The following PLD4 variants were observed in gnomAD, a reference collection of about 807,000 sequenced individuals.
The protein encoded by PLD4 is phospholipase D family member 4.
In PLD4, 54 loss-of-function variants were observed where a neutral mutation model predicts 52.3. That is an observed-to-expected ratio of 1.03 (90% CI 0.83 to 1.30). The LOEUF (loss-of-function observed/expected upper bound fraction) is 1.30. PLD4 is among the 50% of genes most tolerant of loss of function. PLD4 has a pLI of 0.00. For synonymous variants in PLD4, 264 were observed against 286.5 expected (o/e 0.92, Z 0.79); for missense variants, 731 against 671.1 (o/e 1.09, Z -0.99).
At chr14:104,931,051 G>T in intron 7 of PLD4, 109 bp downstream of exon 7, 6 of 1,281,032 alleles carry the variant, frequency 4.7e-6, no homozygotes, top group Non-Finnish European at 5.5e-6. Flanking sequence ...AGCATCAGCT[G>T]GGTCCTCAGG....
chr14:104,928,472 G>T (rs1346412235), intron 3 of PLD4, among the ~76,000 whole-genome samples: 1 of 152,220 alleles, frequency 6.6e-6, no homozygotes, highest in Non-Finnish European at 1.5e-5. Context: ...GGACCCCCCA[G>T]TCTAGCCTGC....
chr14:104,931,613 CT>C (rs887209528), intron 7 of PLD4, 134 bp from the exon 8 acceptor site: 1 of 1,261,284 alleles, frequency 7.9e-7, no homozygotes, highest in African/African-American at 1.5e-5. Flanking sequence ...CCGACCCCTT[CT>C]TTCCTCATAT....
downstream of PLD4, chr14:104,936,755 G>GC (rs1365511736): frequency 6.6e-6 from 1 of 152,330 alleles, no homozygotes; most frequent in Non-Finnish European, 1.5e-5. Flanking sequence ...AGTTCCAACT[G>GC]CCCCCTTGAA....
At chr14:104,931,951 C>T in intron 8 of PLD4, 61 bp from the exon 9 acceptor site, 2 of 1,525,292 alleles carry the variant, frequency 1.3e-6, no homozygotes, top group Non-Finnish European at 1.8e-6. Context: ...CACGTCCCCT[C>T]CTGCTGGGAC....
rs1897479197 is a variant in PLD4, at chr14:104,927,068, C to T, written c.1-73C>T. The T allele has an allele frequency of 1.4e-5, 19 of 1,380,726 alleles. No individual in the cohort carries two copies. The South Asian group carries it at 2.4e-4, about 18-fold the overall frequency. 85.5% of individuals were successfully genotyped at this position (1,380,726 alleles called of 1,614,324 possible). On this transcript the variant is annotated intron_variant, in intron 1 of 10. Coordinates refer to ENST00000392593, the MANE Select transcript of PLD4 (RefSeq NM_138790.5). The stretch of plus-strand genomic sequence containing the variant: ...TCTGTGCAGGGGTGTCCCCAGTGCC[C>T]AGCTGCCCAGGCACTGAGGGGCAGT...
At position 104,928,920 on chromosome 14, in the gene PLD4, G is replaced by A. The variant is rs573590569; in HGVS notation, c.456G>A (p.Ser152=). ...GGCCTGACATCGGGGTCAACGACTC[G>A]TCTTCCCAGCTGGTGCGCCCCGCCC... ...LTGPDIGVND[S]SSQLGEALLQ... The change falls in exon 4 of 11, where the codon TCG becomes TCA. Residue 152 remains serine (S), a synonymous_variant. Transcript: ENST00000392593. 21 of 1,599,918 alleles carry A rather than the reference G, an allele frequency of 1.3e-5. No homozygotes were observed. The highest frequency in any genetic ancestry group is 6.7e-5 in the African/African-American group (5 of 74,818).
At chr14:104,931,051 G>A in intron 7 of PLD4, 109 bp downstream of exon 7, 2 of 1,281,034 alleles carry the variant, frequency 1.6e-6, no homozygotes, top group Non-Finnish European at 2.2e-6. Context: ...AGCATCAGCT[G>A]GGTCCTCAGG....
In PLD4 at chr14:104,932,364, G is replaced by A. The variant is rs1284835320; in HGVS notation, c.1321+9G>A. 1.2e-6 allele frequency: 2 copies of A among 1,611,968 alleles called. No individual in the cohort carries two copies. Among genetic ancestry groups the A allele is most frequent in the Admixed American group, 1.7e-5 (1 of 59,994 alleles). On this transcript the variant is annotated intron_variant, in intron 10 of 10. Transcript: ENST00000392593. This position sits in a 1 kb window ranked among gnomAD's most constrained non-coding sequence, Gnocchi z 6.5. ...GAAGGCAGCCTACATAGGTGAGCGC[G>A]ATCAGATCACGGCGGGCGGGCCCCA...
intron 1 of PLD4, among the ~76,000 whole-genome samples, chr14:104,926,447 G>A (rs1897458961): frequency 6.6e-6 from 1 of 152,182 alleles, no homozygotes; most frequent in African/African-American, 2.4e-5. Flanking sequence ...TCCTTGTGGG[G>A]TGACCACTCT....
Position 104,933,140 on chromosome 14 carries a change from GC to G in PLD4, c.*183del, listed in dbSNP as rs954199758. 2.0e-5 allele frequency: 14 copies of G among 702,542 alleles called. No homozygotes were observed. The highest frequency in any genetic ancestry group is 4.3e-5 in the South Asian group (2 of 46,718). 43.5% of individuals were successfully genotyped at this position (702,542 alleles called of 1,614,324 possible). On this transcript the variant is annotated 3_prime_UTR_variant, in exon 11 of 11. Coordinates refer to ENST00000392593, the MANE Select transcript of PLD4 (RefSeq NM_138790.5). ...GCCTGCTCTCTGATTTCCGAGTCCAGCCCCCCCTGAGCCCCACCTCCTCCAG... is the reference window on the plus strand; with the variant it reads ...GCCTGCTCTCTGATTTCCGAGTCCAGCCCCCCTGAGCCCCACCTCCTCCAG...
rs1359510571 is a variant in PLD4, at chr14:104,930,017, G to A, written c.629G>A (p.Arg210Lys). 6.2e-7 allele frequency: 1 copy of A among 1,613,536 alleles called. No individual in the cohort carries two copies. The highest frequency in any genetic ancestry group is 8.5e-7 in the Non-Finnish European group (1 of 1,179,990). ...CAGGTGCCCATGGGGCGGCTCACCAGGGGTGTTTTGCACTCCAAATTCTGG... is the reference window on the plus strand; with the variant it reads ...CAGGTGCCCATGGGGCGGCTCACCAAGGGTGTTTTGCACTCCAAATTCTGG... ...VRQVPMGRLT[R>K]GVLHSKFWVV... is the part of the protein sequence containing the mutation. The change falls in exon 6 of 11, where the codon AGG becomes AAG. Residue 210 changes from arginine to lysine, a missense_variant. Arg to Lys is a conservative substitution (Grantham distance 26). Coordinates refer to ENST00000392593, the MANE Select transcript of PLD4 (RefSeq NM_138790.5).
At position 104,928,943 on chromosome 14, in the gene PLD4, C is replaced by G. The variant is rs749945837; in HGVS notation, c.468+11C>G. ...TCGTCTTCCCAGCTGGTGCGCCCCG[C>G]CCTGGCCCCACCGCATCCTGGTGCT... On this transcript the variant is annotated intron_variant, in intron 4 of 10. Coordinates refer to ENST00000392593, the MANE Select transcript of PLD4 (RefSeq NM_138790.5). 1 of 1,581,846 alleles carries G rather than the reference C, an allele frequency of 6.3e-7. No individual in the cohort carries two copies. Among genetic ancestry groups the G allele is most frequent in the South Asian group, 1.1e-5 (1 of 89,138 alleles).
chr14:104,931,316 G>A (rs1393990646), intron 7 of PLD4, among the ~76,000 whole-genome samples: 1 of 152,176 alleles, frequency 6.6e-6, no homozygotes, highest in Non-Finnish European at 1.5e-5. Flanking sequence ...TGCGGGGAAG[G>A]AAGGGAAGAG....
At chr14:104,936,779 T>G (rs796688434), downstream of PLD4, 1 of 152,188 alleles carries the variant, frequency 6.6e-6, no homozygotes, top group Non-Finnish European at 1.5e-5. Flanking sequence ...TGCATACCCA[T>G]GAATCTGGCA....
rs754624133 is a variant in PLD4, at chr14:104,927,783, C to T, written c.201C>T (p.Asp67=). The change falls in exon 3 of 11, where the codon GAC becomes GAT. Residue 67 remains aspartate, a synonymous_variant. Coordinates refer to ENST00000392593, the MANE Select transcript of PLD4 (RefSeq NM_138790.5). ...CCTGGGGCCAGGTGCAGCCCAAGGA[C>T]GTGCCCAGGTCCTGGGAGCATGGCT... is the stretch of plus-strand genomic sequence containing the variant. ...PPTWGQVQPK[D]VPRSWEHGSS... 1.4e-5 allele frequency: 23 copies of T among 1,599,254 alleles called. No individual in the cohort carries two copies. Among genetic ancestry groups the T allele is most frequent in the East Asian group, 4.5e-5 (2 of 44,676 alleles).
At chr14:104,929,070 CCG>C in intron 4 of PLD4, 138 bp downstream of exon 4, 1 of 1,280,186 alleles carries the variant, frequency 7.8e-7, no homozygotes, top group Non-Finnish European at 1.1e-6. Context: ...AGGGATTAGG[CCG>C]CTCCTTTGGG....
intron 2 of PLD4, 111 bp from the exon 3 acceptor site, chr14:104,927,562 G>C (rs911176952): frequency 6.4e-6 from 8 of 1,248,436 alleles, no homozygotes; most frequent in Admixed American, 2.4e-5. Flanking sequence ...TGGCAGCCCA[G>C]GTCCGGGAAG....
At position 104,931,738 on chromosome 14, in the gene PLD4, C is replaced by A. The variant is rs779929484; in HGVS notation, c.919-10C>A. On this transcript the variant is annotated splice_polypyrimidine_tract_variant and intron_variant, in intron 7 of 10. Coordinates refer to ENST00000392593, the MANE Select transcript of PLD4 (RefSeq NM_138790.5). ...TGGCAGAGCCTTCAGGGATTTCTCT[C>A]CCGTCACAGGCGTCGCCACCAGCAC... The A allele has an allele frequency of 8.9e-6, 14 of 1,581,150 alleles. No homozygotes were observed. The highest frequency in any genetic ancestry group is 1.2e-5 in the Non-Finnish European group (14 of 1,165,168).
chr14:104,928,860 C>T lies in PLD4; in HGVS notation c.396C>T (p.Ser132=), dbSNP rs776782761. 6.8e-6 allele frequency: 11 copies of T among 1,612,254 alleles called. No homozygotes were observed. The highest frequency in any genetic ancestry group is 4.5e-5 in the East Asian group (2 of 44,880). ...AGCTGCTGGACACTGCCCAGGAGAG[C>T]GTCCACGTGGCTTCATACTACTGGT... ...WLQLLDTAQE[S]VHVASYYWSL... is the part of the protein sequence containing the mutation. Residue 132 remains serine, a synonymous_variant, in exon 4 of 11, where the codon AGC becomes AGT. Coordinates refer to ENST00000392593, the MANE Select transcript of PLD4 (RefSeq NM_138790.5).
Sources: gnomAD v4.1 joint callset for allele counts (sites outside exome capture counted in the v4.1 genomes callset) on GRCh38, gnomAD v4.1.1 for gene constraint, Gnocchi (gnomAD v3.1) non-coding constraint, MANE v1.5 for transcripts, NCBI Gene and HGNC (gene_info 2026-07-23, HGNC 2026-07-21) for gene names.